Variants in CPNE2 observed in about 807,000 individuals in gnomAD.
CPNE2 encodes copine-2.
CPNE2 carries 42 observed loss-of-function variants against 69.7 expected under a neutral mutation model. The ratio of observed to expected loss-of-function variants is 0.60; its 90% CI spans 0.47 to 0.78. The LOEUF (loss-of-function observed/expected upper bound fraction) is 0.78. Among genes scored for constraint, CPNE2 ranks in the 30% least tolerant of loss-of-function variants. The probability of loss-of-function intolerance (pLI) is 0.00; values close to 1 mark genes in which losing one functional copy is unlikely to be tolerated. For missense variants in CPNE2, 587 were observed against 732.0 expected (o/e 0.80, Z 2.29); for synonymous variants, 294 against 289.8 (o/e 1.01, Z -0.15).
chr16:57,147,762 C>G lies in CPNE2; in HGVS notation c.*104C>G. On this transcript the variant is annotated 3_prime_UTR_variant, in exon 16 of 16. Transcript: ENST00000290776. ...GTGGGTGGCCTTTTTTTACCGATCCCCTTTTTTATTTTTTACAACCGGACC... is the reference window on the plus strand; with the variant it reads ...GTGGGTGGCCTTTTTTTACCGATCCGCTTTTTTATTTTTTACAACCGGACC... The G allele has an allele frequency of 6.0e-6, 4 of 668,698 alleles. No homozygotes were observed. Among genetic ancestry groups the G allele is most frequent in the Non-Finnish European group, 9.0e-6 (4 of 443,932 alleles). The allele number at this position is 668,698 out of a possible 1,614,324, so 41.4% of individuals were successfully genotyped here. A position where few individuals can be genotyped will look rare whatever the true frequency, so the allele number is the denominator to read the frequency against.
At chr16:57,114,532 G>A (rs1422136241) in intron 3 of CPNE2, among the ~76,000 whole-genome samples, 2 of 152,210 alleles carry the variant, frequency 1.3e-5, no homozygotes, top group African/African-American at 2.4e-5. Context: ...AAAGAGCCAG[G>A]TGGCACAGTC....
In CPNE2 at chr16:57,119,606, C is replaced by G; in HGVS notation, c.637C>G (p.Pro213Ala). ...CCCTGTGTGGAAGCCATTCACAGTG[C>G]CCTTGGTGTCCCTGTGTGATGGGGA... ...LDPVWKPFTV[P>A]LVSLCDGDME... Residue 213 changes from proline to alanine, a missense_variant, in exon 7 of 16, where the codon CCC becomes GCC. Coordinates refer to ENST00000290776, the MANE Select transcript of CPNE2 (RefSeq NM_152727.6). The G allele has an allele frequency of 6.2e-7, 1 of 1,612,940 alleles. No homozygotes were observed.
At chr16:57,131,313 C>T (rs1010565092) in intron 12 of CPNE2, among the ~76,000 whole-genome samples, 1 of 152,230 alleles carries the variant, frequency 6.6e-6, no homozygotes, top group Non-Finnish European at 1.5e-5. Context: ...ATTTTTGCCT[C>T]CTGTCCTCTC....
At chr16:57,108,877 G>C (rs1005371565) in intron 1 of CPNE2, among the ~76,000 whole-genome samples, 23 of 152,226 alleles carry the variant, frequency 1.5e-4, no homozygotes, top group African/African-American at 5.3e-4. Context: ...AGGGTAAATT[G>C]TGTGTTGAAG....
chr16:57,101,067 C>T (rs1434905518), intron 1 of CPNE2, among the ~76,000 whole-genome samples: 1 of 152,056 alleles, frequency 6.6e-6, no homozygotes, highest in African/African-American at 2.4e-5. Context: ...TATGTGTGGC[C>T]CTCATTCAAT....
In CPNE2 at chr16:57,146,315, C is replaced by T; in HGVS notation, c.1533C>T (p.Phe511=). The change falls in exon 15 of 16, where the codon TTC becomes TTT. Residue 511 remains phenylalanine (F), a synonymous_variant. Transcript: ENST00000290776. The surrounding 1 kb of genome is among the most constrained non-coding windows in gnomAD (Gnocchi z 4.4). The part of the protein sequence containing the change: ...DIVQFVPFRE[F]RNAAKETLAK... Reference sequence around the variant, plus strand: ...TGCAGTTCGTTCCCTTTCGAGAGTTCCGCAACGTGAGTGTGGGCCTGGGCT... The same window carrying T: ...TGCAGTTCGTTCCCTTTCGAGAGTTTCGCAACGTGAGTGTGGGCCTGGGCT... 2 of 1,549,404 alleles carry T rather than the reference C, an allele frequency of 1.3e-6. No individual in the cohort carries two copies. The highest frequency in any genetic ancestry group is 2.4e-5 in the South Asian group (2 of 83,878).
At position 57,115,514 on chromosome 16, in the gene CPNE2, G is replaced by C. The variant is rs768737741; in HGVS notation, c.399G>C (p.Leu133=). The change falls in exon 4 of 16, where the codon CTG becomes CTC. Residue 133 remains leucine, a synonymous_variant. Transcript: ENST00000290776. The stretch of plus-strand genomic sequence containing the variant: ...AGAAGATCACTAGGCCTCTGCTGCT[G>C]CTGAATGACAAGCCTGCGGGGAAGG... ...SSKKITRPLL[L]LNDKPAGKGL... 1.9e-6 allele frequency: 3 copies of C among 1,612,696 alleles called. No homozygotes were observed. Among genetic ancestry groups the C allele is most frequent in the Non-Finnish European group, 1.7e-6 (2 of 1,179,304 alleles).
At chr16:57,106,263 C>T (rs1246924023) in intron 1 of CPNE2, 2 of 152,546 alleles carry the variant, frequency 1.3e-5, no homozygotes, top group South Asian at 2.1e-4. Context: ...GGGCCTGAGC[C>T]GATCCAGGTG....
chr16:57,113,412 G>T lies in CPNE2; in HGVS notation c.305G>T (p.Ser102Ile). ...GCGCTCTTTGACCAGGACAAGTCCAGTATGCGGCTGGACGAGCATGACTTC... is the reference window on the plus strand; with the variant it reads ...GCGCTCTTTGACCAGGACAAGTCCATTATGCGGCTGGACGAGCATGACTTC... ...KFALFDQDKS[S>I]MRLDEHDFLG... Residue 102 changes from serine (S) to isoleucine (I), a missense_variant, in exon 3 of 16, where the codon AGT becomes ATT. Around this residue, in one of 5 missense-constraint regions of CPNE2, gnomAD observed 34 missense variants for 67.1 expected, o/e 0.51. Coordinates refer to ENST00000290776, the MANE Select transcript of CPNE2 (RefSeq NM_152727.6). 6.2e-7 allele frequency: 1 copy of T among 1,614,160 alleles called. No individual in the cohort carries two copies.
At chr16:57,117,713 G>C (rs533754979) in intron 5 of CPNE2, 146 bp downstream of exon 5, 2 of 821,652 alleles carry the variant, frequency 2.4e-6, no homozygotes, top group Non-Finnish European at 4.0e-6. Context: ...GGCCACTCCA[G>C]ATTAGGACTC....
In CPNE2 at chr16:57,117,499, G is replaced by T; in HGVS notation, c.439G>T (p.Ala147Ser). 4 of 1,613,398 alleles carry T rather than the reference G, an allele frequency of 2.5e-6. No homozygotes were observed. The highest frequency in any genetic ancestry group is 1.7e-4 in the Middle Eastern group (1 of 6,052). Residue 147 changes from alanine (A) to serine (S), a missense_variant, in exon 5 of 16, where the codon GCT becomes TCT. By Grantham distance (99) the Ala-to-Ser change is moderately conservative. Around this residue, in one of 5 missense-constraint regions of CPNE2, gnomAD observed 269 missense variants for 300.5 expected, o/e 0.90. Transcript: ENST00000290776. The part of the protein sequence containing the change: ...KPAGKGLITI[A>S]AQELSDNRVI... ...CCCTCATGTCCCGGCCTTACAGATC[G>T]CTGCCCAGGAGCTGTCCGACAACCG...
At chr16:57,134,306 G>A (rs563593521) in intron 12 of CPNE2, among the ~76,000 whole-genome samples, 19 of 152,180 alleles carry the variant, frequency 1.2e-4, no homozygotes, top group Non-Finnish European at 2.5e-4. Flanking sequence ...CCGTTTGGCT[G>A]TCTGGCGCAA....
chr16:57,133,734 G>C (rs966601693), intron 12 of CPNE2, among the ~76,000 whole-genome samples: 5 of 152,190 alleles, frequency 3.3e-5, no homozygotes, highest in Non-Finnish European at 7.3e-5. Flanking sequence ...CCTGACCTCA[G>C]TTCGAGTCCC....
At chr16:57,101,555 G>T (rs1255795340) in intron 1 of CPNE2, among the ~76,000 whole-genome samples, 1 of 151,936 alleles carries the variant, frequency 6.6e-6, no homozygotes, top group East Asian at 1.9e-4. Context: ...TGTGAAGCCA[G>T]CAGGGCTTGT....
chr16:57,119,303 C>G (rs1198486652), intron 6 of CPNE2, 25 bp downstream of exon 6: 2 of 1,605,682 alleles, frequency 1.2e-6, no homozygotes, highest in East Asian at 2.2e-5. Context: ...GCCCAGGGAT[C>G]TCTAAGCAGT....
chr16:57,119,557 A>G lies in CPNE2; in HGVS notation c.592-4A>G. The stretch of plus-strand genomic sequence containing the variant: ...AGCTCACAGCATCCCTCTCTGTCCC[A>G]CAGGTGATCAAGTACACACTGGACC... On this transcript the variant is annotated splice_polypyrimidine_tract_variant and splice_region_variant and intron_variant, in intron 6 of 15. Coordinates refer to ENST00000290776, the MANE Select transcript of CPNE2 (RefSeq NM_152727.6). The G allele has an allele frequency of 6.2e-7, 1 of 1,611,280 alleles. No homozygotes were observed. Among genetic ancestry groups the G allele is most frequent in the African/African-American group, 1.3e-5 (1 of 75,016 alleles).
chr16:57,128,428 T>C (rs1252236462), intron 12 of CPNE2, among the ~76,000 whole-genome samples: 3 of 152,092 alleles, frequency 2.0e-5, no homozygotes, highest in Non-Finnish European at 4.4e-5. Flanking sequence ...AGTTTTACCA[T>C]GTTGACCAGG....
chr16:57,132,849 C>T (rs2069847826), intron 12 of CPNE2, among the ~76,000 whole-genome samples: 1 of 152,128 alleles, frequency 6.6e-6, no homozygotes. Flanking sequence ...CTGGAGGAGA[C>T]AACCTCTGGG....
At chr16:57,126,074 C>A in intron 11 of CPNE2, 81 bp downstream of exon 11, 1 of 1,542,236 alleles carries the variant, frequency 6.5e-7, no homozygotes, top group African/African-American at 1.4e-5. Context: ...CTAGAAGGGA[C>A]CCAGAGATCA....
Sources: gnomAD v4.1 joint callset for allele counts (sites outside exome capture counted in the v4.1 genomes callset) on GRCh38, gnomAD v4.1.1 for gene constraint, gnomAD v4.1.1 regional missense constraint, Gnocchi (gnomAD v3.1) non-coding constraint, MANE v1.5 for transcripts, NCBI Gene and HGNC (gene_info 2026-07-23, HGNC 2026-07-21) for gene names.